Variants in OTUD6B observed in about 807,000 individuals in gnomAD.
The protein encoded by OTUD6B is OTU deubiquitinase 6B.
Under a neutral mutation model 36.9 loss-of-function variants are expected in OTUD6B, and 41 were observed. That is an observed-to-expected ratio of 1.11 (90% CI 0.87 to 1.44). OTUD6B has a LOEUF of 1.44. Ranked by LOEUF, OTUD6B falls within the 40% of genes most tolerant of loss-of-function variation. The pLI is 0.00. For synonymous variants in OTUD6B, 114 were observed against 114.2 expected, an observed-to-expected ratio of 1.00 and a Z score of 0.01; for missense variants, 356 against 344.8, an observed-to-expected ratio of 1.03 and a Z score of -0.26.
In OTUD6B at chr8:91,071,165, T is replaced by A. The variant is rs1252023887; in HGVS notation, c.110T>A (p.Val37Asp). 1 of 1,613,452 alleles carries A rather than the reference T, an allele frequency of 6.2e-7. No homozygotes were observed. The highest frequency in any genetic ancestry group is 8.5e-7 in the Non-Finnish European group (1 of 1,179,724). The change falls in exon 2 of 7, where the codon GTT becomes GAT. Residue 37 changes from valine to aspartate, a missense_variant. Val to Asp is a radical substitution (Grantham distance 152, BLOSUM62 -3). Transcript: ENST00000404789. ...AAAATTCAGGGCATGAAGAATGCTG[T>A]TCCCAAGAATGACAAGAAGAGGAGG... ...QAKIQGMKNA[V>D]PKNDKKRRKQ...
rs1254493821 is a variant in OTUD6B at position 91,071,293 on chromosome 8, T to A, written c.234+4T>A. ...GCTGACTACTAAGGAGAATAAGGTA[T>A]GTGAAATAAATGTTTGTCGTTGCCT... On this transcript the variant is annotated splice_donor_region_variant and intron_variant, in intron 2 of 6. Transcript: ENST00000404789. 3.1e-6 allele frequency: 5 copies of A among 1,603,988 alleles called. No homozygotes were observed. In the African/African-American group the frequency reaches 6.8e-5, roughly 22 times the overall value.
chr8:91,078,177 AAG>A lies in OTUD6B; in HGVS notation c.316-174_316-173del, dbSNP rs576658165. On this transcript the variant is annotated intron_variant, in intron 3 of 6. Transcript: ENST00000404789. ...AGGTGCTGGAAACACACAGATGAGT[AAG>A]AGAGTAAGGAGCTCACCTTGTAGAA... is the stretch of plus-strand genomic sequence containing the variant. The A allele has an allele frequency of 3.7e-6, 3 of 817,468 alleles. No individual in the cohort carries two copies. In the African/African-American group the frequency reaches 5.6e-5, roughly 15 times the overall value. 50.6% of individuals were successfully genotyped at this position (817,468 alleles called of 1,614,324 possible).
Position 91,074,367 on chromosome 8 carries a change from C to T in OTUD6B, c.315+456C>T, listed in dbSNP as rs1167397886. ...TTGGGTGAGAAATAAGGATTTGAAC[C>T]TAGAAGTTAACATGTGTAGGTATAC... On this transcript the variant is annotated intron_variant, in intron 3 of 6. Coordinates refer to ENST00000404789, the MANE Select transcript of OTUD6B (RefSeq NM_016023.5). 2.6e-5 allele frequency among the ~76,000 whole-genome samples: 4 copies of T among 151,842 alleles called. No individual in the cohort carries two copies. The East Asian group carries it at 7.7e-4, about 29-fold the overall frequency.
intron 3 of OTUD6B, chr8:91,076,621 G>T (rs1351207692): frequency 1.3e-6 from 2 of 1,532,624 alleles, no homozygotes; most frequent in South Asian, 2.4e-5. Context: ...TCTCTGTGTT[G>T]TCCTTGGTCC....
At chr8:91,071,884 C>T (rs945806284) in intron 2 of OTUD6B, among the ~76,000 whole-genome samples, 1 of 152,192 alleles carries the variant, frequency 6.6e-6, no homozygotes, top group Non-Finnish European at 1.5e-5. Context: ...AGAATTGCGA[C>T]TGAATGGGAT....
chr8:91,080,772 T>A (rs368817386), intron 5 of OTUD6B, 42 bp downstream of exon 5: 250 of 1,400,638 alleles, frequency 1.8e-4, no homozygotes, highest in Non-Finnish European at 2.5e-4. Context: ...GTTGTTAAAT[T>A]ATTTCTAAAT....
At position 91,078,628 on chromosome 8, in the gene OTUD6B, A is replaced by G; in HGVS notation, c.588A>G (p.Pro196=). Reference sequence around the variant, plus strand: ...AAAGCCATGTGGAAGACTTTCTGCCATTTTTAACAAACCCTAATACAGGAG... The same window carrying G: ...AAAGCCATGTGGAAGACTTTCTGCCGTTTTTAACAAACCCTAATACAGGAG... The part of the protein sequence containing the change: ...YMQSHVEDFL[P]FLTNPNTGDM... Residue 196 remains proline (P), a synonymous_variant, in exon 4 of 7, where the codon CCA becomes CCG. Coordinates refer to ENST00000404789, the MANE Select transcript of OTUD6B (RefSeq NM_016023.5). The G allele has an allele frequency of 5.0e-6, 8 of 1,593,904 alleles. No individual in the cohort carries two copies. Among genetic ancestry groups the G allele is most frequent in the Non-Finnish European group, 6.8e-6 (8 of 1,168,982 alleles).
intron 5 of OTUD6B, among the ~76,000 whole-genome samples, chr8:91,083,360 A>G (rs1174375537): frequency 6.6e-6 from 1 of 152,144 alleles, no homozygotes; most frequent in African/African-American, 2.4e-5. Flanking sequence ...AACATTTTCA[A>G]GCGTATTCAA....
At chr8:91,083,650 T>C (rs966601753) in intron 5 of OTUD6B, among the ~76,000 whole-genome samples, 1 of 152,180 alleles carries the variant, frequency 6.6e-6, no homozygotes, top group Non-Finnish European at 1.5e-5. Context: ...TTATTTAAAA[T>C]GTATAAAATT....
chr8:91,070,590 A>G (rs1227524747), intron 1 of OTUD6B, 124 bp downstream of exon 1: 8 of 877,596 alleles, frequency 9.1e-6, no homozygotes, highest in Non-Finnish European at 1.1e-5. Context: ...CCCTAGTAGC[A>G]AGTGGCCTCT....
rs139641795 is a variant in OTUD6B, at chr8:91,074,843, A to C, written c.315+932A>C. Among the ~76,000 whole-genome samples the C allele has an allele frequency of 5.6e-3, 854 of 152,186 alleles. 8 individuals carry two copies. The highest frequency in any genetic ancestry group is 0.019 in the African/African-American group (809 of 41,558). On this transcript the variant is annotated intron_variant, in intron 3 of 6. Coordinates refer to ENST00000404789, the MANE Select transcript of OTUD6B (RefSeq NM_016023.5). ...AACAGATGAGGTTTTAATTTCATTT[A>C]CTGTTATACTTTGGGTACGGTTCTT...
chr8:91,081,602 T>A (rs991844450), intron 5 of OTUD6B, among the ~76,000 whole-genome samples: 4 of 152,028 alleles, frequency 2.6e-5, no homozygotes, highest in African/African-American at 9.7e-5. Context: ...TTTTTGAGCA[T>A]TAAGTAAGGC....
At position 91,085,367 on chromosome 8, in the gene OTUD6B, A is replaced by G. The variant is rs968661180; in HGVS notation, c.*499A>G. On this transcript the variant is annotated 3_prime_UTR_variant, in exon 7 of 7. Transcript: ENST00000404789. ...CAGTAACCATGGTATCGATGAGACT[A>G]ATGCAGTGAAGCTTTATTACTAATA... 5 of 152,034 alleles carry G rather than the reference A, an allele frequency of 3.3e-5. No homozygotes were observed. The highest frequency in any genetic ancestry group is 7.4e-5 in the Non-Finnish European group (5 of 67,954). 9.4% of individuals were successfully genotyped at this position (152,034 alleles called of 1,614,324 possible). A position where few individuals can be genotyped will look rare whatever the true frequency, so the allele number is the denominator to read the frequency against.
chr8:91,084,070 C>T lies in OTUD6B; in HGVS notation c.753C>T (p.Pro251=), dbSNP rs370984450. The T allele has an allele frequency of 6.3e-7, 1 of 1,575,156 alleles. No homozygotes were observed. Among genetic ancestry groups the T allele is most frequent in the Non-Finnish European group, 8.6e-7 (1 of 1,158,784 alleles). The part of the protein sequence containing the change: ...PIEIIQADSP[P]IIVGEEYSKK... ...AGATAATACAGGCAGATTCTCCTCC[C>T]ATTATAGTTGGTGAAGAATATTCAA... The change falls in exon 6 of 7, where the codon CCC becomes CCT. Residue 251 remains proline (P), a synonymous_variant. Coordinates refer to ENST00000404789, the MANE Select transcript of OTUD6B (RefSeq NM_016023.5).
intron 2 of OTUD6B, among the ~76,000 whole-genome samples, chr8:91,071,578 G>A (rs970326523): frequency 6.6e-6 from 1 of 152,024 alleles, no homozygotes; most frequent in African/African-American, 2.4e-5. Flanking sequence ...TCGATCTCCT[G>A]ACCTTGTGAT....
chr8:91,080,180 C>T (rs751853366), intron 4 of OTUD6B, among the ~76,000 whole-genome samples: 2 of 152,112 alleles, frequency 1.3e-5, no homozygotes, highest in East Asian at 1.9e-4. Flanking sequence ...CACTGTTTGA[C>T]GCTATCTCTG....
At chr8:91,072,014 G>A (rs1483410842) in intron 2 of OTUD6B, among the ~76,000 whole-genome samples, 1 of 152,216 alleles carries the variant, frequency 6.6e-6, no homozygotes, top group Non-Finnish European at 1.5e-5. Context: ...AAGTGAACGT[G>A]AAGTCATTTT....
In OTUD6B at chr8:91,070,466, G is replaced by A. The variant is rs1171357135; in HGVS notation, c.82G>A (p.Ala28Thr). Residue 28 changes from alanine (A) to threonine (T), a missense_variant and splice_region_variant, in exon 1 of 7, where the codon GCC (alanine) becomes ACC (threonine). Ala to Thr is a moderately conservative substitution (Grantham distance 58). Transcript: ENST00000404789. ...RHRKEKKELQ[A>T]KIQGMKNAVP... ...TCGCAAAGAGAAGAAGGAGTTGCAA[G>A]GTGAGGCGGAAGGAAGTGGGAATCT... The A allele has an allele frequency of 1.3e-6, 2 of 1,563,528 alleles. No individual in the cohort carries two copies. Among genetic ancestry groups the A allele is most frequent in the East Asian group, 4.8e-5 (2 of 41,850 alleles).
At chr8:91,080,968 C>T (rs1812894594) in intron 5 of OTUD6B, among the ~76,000 whole-genome samples, 1 of 151,974 alleles carries the variant, frequency 6.6e-6, no homozygotes, top group Non-Finnish European at 1.5e-5. Flanking sequence ...AGTGTTAGAT[C>T]TGTGTGTTAG....
Sources: gnomAD v4.1 joint callset for allele counts (sites outside exome capture counted in the v4.1 genomes callset) on GRCh38, gnomAD v4.1.1 for gene constraint, MANE v1.5 for transcripts, NCBI Gene and HGNC (gene_info 2026-07-23, HGNC 2026-07-21) for gene names.